CLNK: variants seen among roughly 807,000 people sequenced by gnomAD.
The protein encoded by CLNK is cytokine dependent hematopoietic cell linker, also known as cytokine-dependent hematopoietic cell linker.
A neutral mutation model predicts 68.6 loss-of-function variants in CLNK; 74 were observed. The ratio of observed to expected loss-of-function variants is 1.08; its 90% CI spans 0.89 to 1.31. CLNK has a LOEUF of 1.31. Among genes scored for constraint, CLNK ranks in the 50% most tolerant of loss-of-function variants. CLNK has a pLI of 0.00. For synonymous variants in CLNK, 198 were observed against 172.2 expected (o/e 1.15, Z -1.17); for missense variants, 553 against 515.3 (o/e 1.07, Z -0.71).
intron 2 of CLNK, among the ~76,000 whole-genome samples, chr4:10,642,126 C>T (rs1723329600): frequency 6.6e-6 from 1 of 152,148 alleles, no homozygotes; most frequent in African/African-American, 2.4e-5. Flanking sequence ...AAGTCAATTT[C>T]AATAAAGGCA....
chr4:10,677,377 A>G (rs1724915986), intron 1 of CLNK, among the ~76,000 whole-genome samples: 1 of 152,186 alleles, frequency 6.6e-6, no homozygotes, highest in South Asian at 2.1e-4. Context: ...AGAGCCTGAA[A>G]AATTTGTGAG....
chr4:10,585,289 G>A (rs1374004082), intron 3 of CLNK, among the ~76,000 whole-genome samples: 1 of 152,178 alleles, frequency 6.6e-6, no homozygotes, highest in Non-Finnish European at 1.5e-5. Context: ...ATCAAGCTTA[G>A]CCTAAAGCTG....
intron 12 of CLNK, chr4:10,531,562 G>A: frequency 3.0e-6 from 1 of 329,446 alleles, no homozygotes; most frequent in Non-Finnish European, 6.0e-6. Context: ...TCAGCCTCCC[G>A]AGTAGCGTGG....
At chr4:10,639,661 A>G (rs1723230824) in intron 2 of CLNK, among the ~76,000 whole-genome samples, 2 of 152,254 alleles carry the variant, frequency 1.3e-5, no homozygotes, top group Admixed American at 1.3e-4. Context: ...CTTAAAATTA[A>G]TTAAACATTT....
At chr4:10,693,321 C>G in the CLNK span, among the ~76,000 whole-genome samples, 1 of 152,158 alleles carries the variant, frequency 6.6e-6, no homozygotes, top group East Asian at 1.9e-4. Context: ...CAGATGTAAT[C>G]AAGTTAAGAT....
At chr4:10,541,915 A>G in intron 10 of CLNK, 107 bp downstream of exon 10, 1 of 857,358 alleles carries the variant, frequency 1.2e-6, no homozygotes, top group Admixed American at 3.0e-5. Context: ...TCACTCTGAA[A>G]TCATATTAGA....
intron 2 of CLNK, among the ~76,000 whole-genome samples, chr4:10,612,916 C>A (rs1722085845): frequency 6.6e-6 from 1 of 152,158 alleles, no homozygotes; most frequent in South Asian, 2.1e-4. Flanking sequence ...ATAATGCATG[C>A]AAAATGCTTA....
At chr4:10,524,311 A>C (rs1718212066) in intron 14 of CLNK, among the ~76,000 whole-genome samples, 1 of 152,196 alleles carries the variant, frequency 6.6e-6, no homozygotes, top group Admixed American at 6.5e-5. Flanking sequence ...TATGGTGATC[A>C]TGCCCCGATA....
chr4:10,694,875 G>C, the CLNK span, among the ~76,000 whole-genome samples: 8 of 152,180 alleles, frequency 5.3e-5, no homozygotes, highest in African/African-American at 1.9e-4. Flanking sequence ...TTGTTGCAAA[G>C]ATAGAATGTT....
intron 4 of CLNK, among the ~76,000 whole-genome samples, chr4:10,582,920 T>C (rs1720835167): frequency 6.6e-6 from 1 of 152,114 alleles, no homozygotes; most frequent in Admixed American, 6.6e-5. Flanking sequence ...AAATATACAA[T>C]CACTCCTTGT....
intron 2 of CLNK, among the ~76,000 whole-genome samples, chr4:10,614,786 A>G (rs1722164122): frequency 6.6e-6 from 1 of 152,272 alleles, no homozygotes. Context: ...AAATCAATAC[A>G]TAAAGAGCCT....
chr4:10,650,786 T>A (rs1376443606), intron 2 of CLNK, among the ~76,000 whole-genome samples: 2 of 151,938 alleles, frequency 1.3e-5, no homozygotes, highest in Non-Finnish European at 2.9e-5. Flanking sequence ...CATATAAAAT[T>A]TGCAATCTAT....
chr4:10,513,546 G>A lies in CLNK; in HGVS notation c.824C>T (p.Ala275Val), dbSNP rs768409514. 3.1e-6 allele frequency: 5 copies of A among 1,608,818 alleles called. No homozygotes were observed. The highest frequency in any genetic ancestry group is 3.4e-5 in the Admixed American group (2 of 59,360). ...PCSPQRCQPP[A>V]SCSPHENILP... ...TATATTTTCGTGAGGGCTGCAGCTG[G>A]CTGGAGGCTGGCATCTCTGAGGAGA... Residue 275 changes from alanine to valine, a missense_variant, in exon 16 of 19, where the codon GCC becomes GTC. Transcript: ENST00000226951.
upstream of CLNK, among the ~76,000 whole-genome samples, chr4:10,689,298 C>T (rs539423764): frequency 6.6e-6 from 1 of 152,108 alleles, no homozygotes; most frequent in African/African-American, 2.4e-5. Context: ...CTGTACCAGG[C>T]TAACTTTCTT....
At chr4:10,632,530 T>G (rs1722931581) in intron 2 of CLNK, among the ~76,000 whole-genome samples, 1 of 152,272 alleles carries the variant, frequency 6.6e-6, no homozygotes, top group South Asian at 2.1e-4. Context: ...TTTCCTGTAC[T>G]AAGTTGAAAT....
At chr4:10,719,683 G>T in the CLNK span, among the ~76,000 whole-genome samples, 2 of 152,070 alleles carry the variant, frequency 1.3e-5, no homozygotes, top group Admixed American at 6.5e-5. Context: ...AACTATCAAG[G>T]GTATAGAAGA....
chr4:10,510,267 C>A (rs1717521792), intron 16 of CLNK, among the ~76,000 whole-genome samples: 2 of 152,038 alleles, frequency 1.3e-5, no homozygotes, highest in Admixed American at 1.3e-4. Flanking sequence ...CTCTTTCTAG[C>A]CCCCCTGAAT....
chr4:10,513,115 T>A (rs570577756), intron 16 of CLNK, among the ~76,000 whole-genome samples: 1 of 152,026 alleles, frequency 6.6e-6, no homozygotes, highest in African/African-American at 2.4e-5. Context: ...TGGAAAAAAA[T>A]TGCAACCTGT....
chr4:10,517,465 CAGAG>C (rs1280936096), intron 15 of CLNK: 4 of 152,080 alleles, frequency 2.6e-5, no homozygotes, highest in Admixed American at 6.6e-5. Flanking sequence ...CATATAATGA[CAGAG>C]AGAGTAAAAG....
Sources: allele counts gnomAD v4.1 joint callset (sites outside exome capture counted in the v4.1 genomes callset), GRCh38; gene constraint gnomAD v4.1.1; transcripts MANE v1.5; gene names NCBI Gene and HGNC (gene_info 2026-07-23, HGNC 2026-07-21).